Variants in SUMF2 observed in about 807,000 individuals in gnomAD.
The protein encoded by SUMF2 is sulfatase modifying factor 2, also known as inactive C-alpha-formylglycine-generating enzyme 2.
Under a neutral mutation model 44.8 loss-of-function variants are expected in SUMF2, and 45 were observed. The observed-to-expected ratio is 1.00, with a 90% CI of 0.79 to 1.29. The LOEUF (loss-of-function observed/expected upper bound fraction) is 1.29. Among genes scored for constraint, SUMF2 ranks in the 50% most tolerant of loss-of-function variants. SUMF2 has a pLI of 0.00. For synonymous variants in SUMF2, 148 were observed against 150.4 expected, an observed-to-expected ratio of 0.98 and a Z score of 0.12; for missense variants, 418 against 389.9, an observed-to-expected ratio of 1.07 and a Z score of -0.61.
At chr7:56,078,802 T>A (rs1219761597) in intron 8 of SUMF2, 6 of 432,356 alleles carry the variant, frequency 1.4e-5, no homozygotes, top group Non-Finnish European at 2.4e-5. Context: ...TCCTTACCAC[T>A]AGGTGGGCAA....
At chr7:56,083,250 G>A (rs1048926710), downstream of SUMF2, 1 of 1,611,260 alleles carries the variant, frequency 6.2e-7, no homozygotes. Context: ...CCGAGGCCTG[G>A]ACGTGGGCCA....
At chr7:56,066,082 C>CAAAAAAAAAAAAAAAAAAAAAAACAAA (rs71015176) in intron 1 of SUMF2, among the ~76,000 whole-genome samples, 2 of 69,684 alleles carry the variant, frequency 2.9e-5, no homozygotes, top group African/African-American at 5.6e-5. Flanking sequence ...CTCCGCCTCA[C>CAAAAAAAAAAAAAAAAAAAAAAACAAA]AAAAAAAAAA....
chr7:56,075,398 TAA>T (rs1412562749), intron 5 of SUMF2, among the ~76,000 whole-genome samples: 1 of 152,018 alleles, frequency 6.6e-6, no homozygotes, highest in East Asian at 1.9e-4. Flanking sequence ...AGATTAATGT[TAA>T]GAGTCACTGT....
chr7:56,074,830 G>A, intron 5 of SUMF2, 94 bp downstream of exon 5: 3 of 1,489,956 alleles, frequency 2.0e-6, no homozygotes, highest in African/African-American at 1.4e-5. Flanking sequence ...GGGCGCAGTG[G>A]CTTATGCCTG....
chr7:56,074,298 G>T, intron 4 of SUMF2, 80 bp downstream of exon 4: 1 of 1,403,982 alleles, frequency 7.1e-7, no homozygotes, highest in Non-Finnish European at 1.0e-6. Context: ...TCTACCCCTC[G>T]TACATCCAGG....
chr7:56,074,401 C>G (rs1486289964), intron 4 of SUMF2, 183 bp downstream of exon 4: 1 of 982,390 alleles, frequency 1.0e-6, no homozygotes, highest in Admixed American at 2.7e-5. Flanking sequence ...TGTTACCCAT[C>G]CATTTCTCCC....
At chr7:56,065,949 C>G (rs1356222832) in intron 1 of SUMF2, among the ~76,000 whole-genome samples, 1 of 151,798 alleles carries the variant, frequency 6.6e-6, no homozygotes, top group African/African-American at 2.4e-5. Context: ...GGCGTGGTGG[C>G]GGGCGCCTGT....
At chr7:56,070,141 T>TCAGGTGATCCA (rs1323715343) in intron 2 of SUMF2, among the ~76,000 whole-genome samples, 5 of 152,096 alleles carry the variant, frequency 3.3e-5, no homozygotes, top group Non-Finnish European at 7.4e-5. Flanking sequence ...ACTCTTGACC[T>TCAGGTGATCCA]CAGGTGATCC....
chr7:56,083,786 G>T, downstream of SUMF2: 1 of 1,077,752 alleles, frequency 9.3e-7, no homozygotes, highest in Non-Finnish European at 1.4e-6. Context: ...CTCCCAGAGA[G>T]CTGCCTTCCA....
chr7:56,086,768 A>G, the SUMF2 span: 3 of 576,764 alleles, frequency 5.2e-6, no homozygotes, highest in African/African-American at 1.9e-5. Context: ...ATTTAAAGAA[A>G]TGATCCAGCC....
At chr7:56,087,579 G>C in the SUMF2 span, 3 of 1,607,742 alleles carry the variant, frequency 1.9e-6, no homozygotes. Context: ...CTGCCGTGTG[G>C]CTTGGGGCCA....
intron 8 of SUMF2, chr7:56,079,020 T>C: frequency 1.7e-6 from 1 of 604,338 alleles, no homozygotes; most frequent in Non-Finnish European, 3.0e-6. Context: ...CCTCAGCTCC[T>C]CAAGTATCTG....
chr7:56,083,152 T>G, downstream of SUMF2: 1 of 822,876 alleles, frequency 1.2e-6, no homozygotes, highest in Non-Finnish European at 1.9e-6. Flanking sequence ...CCCTAGCCCT[T>G]GAAATGGTGG....
At chr7:56,081,303 C>T (rs760005495), downstream of SUMF2, 8 of 1,603,662 alleles carry the variant, frequency 5.0e-6, no homozygotes, top group Middle Eastern at 1.9e-4. This position sits in a 1 kb window ranked among gnomAD's most constrained non-coding sequence, Gnocchi z 4.6. Context: ...CGATCACCTG[C>T]AGGGCCAGGC....
chr7:56,082,028 G>A (rs1796024492), downstream of SUMF2: 2 of 1,613,452 alleles, frequency 1.2e-6, no homozygotes, highest in African/African-American at 1.3e-5. Context: ...GCGTGTACAT[G>A]ATGACGCCAG....
chr7:56,079,370 G>A (rs1758104702), intron 8 of SUMF2, 158 bp from the exon 9 acceptor site: 1 of 726,624 alleles, frequency 1.4e-6, no homozygotes, highest in South Asian at 1.8e-5. Context: ...ACAGGCTCAG[G>A]ACCTGTCCTC....
At chr7:56,079,360 A>G in intron 8 of SUMF2, 168 bp from the exon 9 acceptor site, 1 of 682,130 alleles carries the variant, frequency 1.5e-6, no homozygotes, top group Non-Finnish European at 2.5e-6. Context: ...CAGGACTGGC[A>G]CAGGCTCAGG....
In SUMF2 at chr7:56,065,212, A is replaced by G. The variant is rs891878518; in HGVS notation, c.67+834A>G. ...TCTCAAAAAAAAAAAAAAAAAAAAA[A>G]GGAAAAAGGAGAATATAACGAGGAA... is the stretch of plus-strand genomic sequence containing the variant. On this transcript the variant is annotated intron_variant, in intron 1 of 8. Coordinates refer to ENST00000434526, the MANE Select transcript of SUMF2 (RefSeq NM_015411.4). Among the ~76,000 whole-genome samples, 875 of 146,632 alleles carry G rather than the reference A, an allele frequency of 6.0e-3. 4 individuals are homozygous for G. The highest frequency in any genetic ancestry group is 9.1e-3 in the Admixed American group (135 of 14,776).
intron 5 of SUMF2, among the ~76,000 whole-genome samples, chr7:56,076,066 G>T (rs1381153662): frequency 7.2e-6 from 1 of 139,090 alleles, no homozygotes; most frequent in African/African-American, 2.7e-5. Context: ...TCGCTGTGTC[G>T]CCCAGGCTGG....
Sources: allele counts gnomAD v4.1 joint callset (sites outside exome capture counted in the v4.1 genomes callset), GRCh38; gene constraint gnomAD v4.1.1; non-coding constraint Gnocchi (gnomAD v3.1); transcripts MANE v1.5; gene names NCBI Gene and HGNC (gene_info 2026-07-23, HGNC 2026-07-21).